CDK14: variants seen among roughly 807,000 people sequenced by gnomAD.
CDK14 encodes the protein cyclin dependent kinase 14, also known as cyclin-dependent kinase 14.
A neutral mutation model predicts 60.7 loss-of-function variants in CDK14; 34 were observed. The ratio of observed to expected loss-of-function variants is 0.56; its 90% CI spans 0.43 to 0.75. The LOEUF is 0.75. Among genes scored for constraint, CDK14 ranks in the 30% least tolerant of loss-of-function variants. The pLI, the probability that CDK14 is intolerant of heterozygous loss-of-function variation, is 0.00. For missense variants in CDK14, 482 were observed against 564.1 expected (o/e 0.85, Z 1.47); for synonymous variants, 197 against 203.7 (o/e 0.97, Z 0.28).
At chr7:91,086,639 C>A (rs932756844) in intron 12 of CDK14, among the ~76,000 whole-genome samples, 10 of 151,936 alleles carry the variant, frequency 6.6e-5, no homozygotes, top group Non-Finnish European at 1.5e-5. Context: ...TGATCCAGGT[C>A]TTCCTCACTG....
At chr7:90,810,127 G>A (rs62468460) in intron 5 of CDK14, among the ~76,000 whole-genome samples, 15,845 of 151,982 alleles carry the variant, frequency 0.1, 957 homozygotes, top group African/African-American at 0.14. Flanking sequence ...TTATGAGGCC[G>A]GCATCATCCT....
chr7:91,134,619 A>G (rs897076205), intron 14 of CDK14, among the ~76,000 whole-genome samples: 2 of 152,142 alleles, frequency 1.3e-5, no homozygotes, highest in African/African-American at 2.4e-5. Flanking sequence ...CACACCTGTA[A>G]TCCCAGCAAT....
At chr7:90,860,509 G>A (rs903063613) in intron 5 of CDK14, among the ~76,000 whole-genome samples, 1 of 150,200 alleles carries the variant, frequency 6.7e-6, no homozygotes, top group Non-Finnish European at 1.5e-5. Flanking sequence ...TTATGGGGAT[G>A]TGATGTGTCT....
intron 3 of CDK14, among the ~76,000 whole-genome samples, chr7:90,741,335 T>A (rs1025182719): frequency 1.3e-5 from 2 of 152,182 alleles, no homozygotes; most frequent in Non-Finnish European, 2.9e-5. Context: ...TGATAATACC[T>A]CCTCAGTCTG....
chr7:90,889,459 G>A (rs1792048531), intron 6 of CDK14, among the ~76,000 whole-genome samples: 1 of 152,158 alleles, frequency 6.6e-6, no homozygotes, highest in African/African-American at 2.4e-5. Flanking sequence ...GTACATTTTG[G>A]ATTCAGAAAT....
chr7:90,772,477 T>C (rs1804824444), intron 4 of CDK14, among the ~76,000 whole-genome samples: 1 of 152,202 alleles, frequency 6.6e-6, no homozygotes, highest in African/African-American at 2.4e-5. Context: ...AGGGACCTTG[T>C]GGGAGGCGAT....
intron 2 of CDK14, among the ~76,000 whole-genome samples, chr7:90,698,095 A>G (rs1289461487): frequency 1.3e-5 from 2 of 150,982 alleles, no homozygotes; most frequent in African/African-American, 4.9e-5. Flanking sequence ...AAAAAGAAAA[A>G]GAAAAAAAGT....
At chr7:90,767,368 T>C (rs1250904835) in intron 4 of CDK14, among the ~76,000 whole-genome samples, 2 of 152,190 alleles carry the variant, frequency 1.3e-5, no homozygotes, top group African/African-American at 4.8e-5. Flanking sequence ...AATTCTCTTA[T>C]TTTCCCTCTG....
intron 9 of CDK14, among the ~76,000 whole-genome samples, chr7:90,977,496 T>A (rs1314926556): frequency 6.6e-6 from 1 of 152,150 alleles, no homozygotes; most frequent in Non-Finnish European, 1.5e-5. Flanking sequence ...AGGGTTGGTT[T>A]CCTGAGAAAC....
At position 90,789,513 on chromosome 7, in the gene CDK14, A is replaced by C. The variant is rs182512645; in HGVS notation, c.465-1060A>C. ...TTGGGAAAAAAGACATAATATAACAATTAAAATGATATGTGTAAAAAATAC... is the reference window on the plus strand; with the variant it reads ...TTGGGAAAAAAGACATAATATAACACTTAAAATGATATGTGTAAAAAATAC... On this transcript the variant is annotated intron_variant, in intron 4 of 14. Coordinates refer to ENST00000380050, the MANE Select transcript of CDK14 (RefSeq NM_001287135.2). 1.0e-2 allele frequency among the ~76,000 whole-genome samples: 1,515 copies of C among 152,238 alleles called. 24 individuals are homozygous for C. The highest frequency in any genetic ancestry group is 0.034 in the African/African-American group (1,391 of 41,516).
intron 13 of CDK14, among the ~76,000 whole-genome samples, chr7:91,114,304 C>A (rs1360287347): frequency 6.6e-6 from 1 of 152,118 alleles, no homozygotes; most frequent in Admixed American, 6.6e-5. Flanking sequence ...AGTTTATCAG[C>A]CAGTGGTTAA....
chr7:90,911,460 T>TA (rs1422766889), intron 7 of CDK14, among the ~76,000 whole-genome samples: 2 of 152,208 alleles, frequency 1.3e-5, no homozygotes, highest in Non-Finnish European at 2.9e-5. Context: ...GACCCATTGC[T>TA]AATGACTCCT....
In CDK14 at chr7:91,179,540, C is replaced by G. The variant is rs776194341; in HGVS notation, c.*29-27625C>G. 4.3e-4 allele frequency among the ~76,000 whole-genome samples: 65 copies of G among 151,364 alleles called. 1 individual carries two copies. Among genetic ancestry groups the G allele is most frequent in the African/African-American group, 1.5e-3 (61 of 41,268 alleles). On this transcript the variant is annotated intron_variant, in intron 14 of 14. Transcript: ENST00000380050. Reference sequence around the variant, plus strand: ...AAATGCAGCCCGGCGCAGTGACTCACGCCTGTAATCCCAGCATTATGGGAG... The same window carrying G: ...AAATGCAGCCCGGCGCAGTGACTCAGGCCTGTAATCCCAGCATTATGGGAG...
chr7:91,094,919 A>G (rs1158120355), intron 12 of CDK14, among the ~76,000 whole-genome samples: 2 of 152,222 alleles, frequency 1.3e-5, no homozygotes, highest in African/African-American at 4.8e-5. Flanking sequence ...GAGCCCATTC[A>G]TTTACTGCGG....
At chr7:91,046,518 C>CT (rs1046977353) in intron 11 of CDK14, among the ~76,000 whole-genome samples, 2 of 151,760 alleles carry the variant, frequency 1.3e-5, no homozygotes, top group South Asian at 2.1e-4. Context: ...GTAAGTTGTC[C>CT]TTTTTTTTCA....
At chr7:91,030,342 G>T (rs531444359) in intron 10 of CDK14, among the ~76,000 whole-genome samples, 1 of 152,056 alleles carries the variant, frequency 6.6e-6, no homozygotes. Flanking sequence ...TTTAGAACAG[G>T]TAAATGTATG....
At chr7:90,899,186 T>C in intron 6 of CDK14, 105 bp from the exon 7 acceptor site, 1 of 854,008 alleles carries the variant, frequency 1.2e-6, no homozygotes, top group Non-Finnish European at 1.7e-6. Flanking sequence ...ACTTGTCTTT[T>C]ATTTGCTCTG....
chr7:90,917,006 G>C (rs537610892), intron 7 of CDK14, among the ~76,000 whole-genome samples: 1 of 152,258 alleles, frequency 6.6e-6, no homozygotes, highest in East Asian at 1.9e-4. Flanking sequence ...TCTTTAAGCA[G>C]CAGCCTAATC....
chr7:91,102,986 G>A (rs10244753), intron 12 of CDK14, among the ~76,000 whole-genome samples: 1 of 152,080 alleles, frequency 6.6e-6, no homozygotes, highest in Admixed American at 6.5e-5. Context: ...GGGTGCGATA[G>A]TTCACACCTA....
Sources: gnomAD v4.1 joint callset for allele counts (sites outside exome capture counted in the v4.1 genomes callset) on GRCh38, gnomAD v4.1.1 for gene constraint, MANE v1.5 for transcripts, NCBI Gene and HGNC (gene_info 2026-07-23, HGNC 2026-07-21) for gene names.